The following PLCB1 variants were observed in gnomAD, a reference collection of about 807,000 sequenced individuals.
PLCB1 encodes 1-phosphatidylinositol 4,5-bisphosphate phosphodiesterase beta-1.
In PLCB1, 46 loss-of-function variants were observed where a neutral mutation model predicts 161.8. That is an observed-to-expected ratio of 0.28 (90% CI 0.22 to 0.36). PLCB1 has a LOEUF of 0.36. Among genes scored for constraint, PLCB1 ranks in the 10% least tolerant of loss-of-function variants. PLCB1 has a pLI of 1.00. For synonymous variants in PLCB1, 517 were observed against 503.7 expected (o/e 1.03, Z -0.35); for missense variants, 1,016 against 1,472.5 (o/e 0.69, Z 5.07).
At chr20:8,635,701 GAGA>G (rs887991310) in intron 4 of PLCB1, among the ~76,000 whole-genome samples, 1 of 152,198 alleles carries the variant, frequency 6.6e-6, no homozygotes, top group Non-Finnish European at 1.5e-5. Context: ...AAGGAAATGA[GAGA>G]AGATGTCACG....
intron 3 of PLCB1, among the ~76,000 whole-genome samples, chr20:8,538,936 G>A (rs2122945820): frequency 6.6e-6 from 1 of 151,970 alleles, no homozygotes; most frequent in East Asian, 1.9e-4. Flanking sequence ...TGGGATTACA[G>A]GCGCCTGCCA....
intron 3 of PLCB1, among the ~76,000 whole-genome samples, chr20:8,555,085 G>T (rs750711467): frequency 8.6e-5 from 13 of 152,000 alleles, no homozygotes; most frequent in Non-Finnish European, 1.5e-4. Context: ...GCATTTGCTT[G>T]GTTGCCTTAA....
chr20:8,619,412 C>A (rs2123192462), intron 3 of PLCB1, among the ~76,000 whole-genome samples: 1 of 149,940 alleles, frequency 6.7e-6, no homozygotes, highest in African/African-American at 2.5e-5. Flanking sequence ...GAGCAAGACT[C>A]TGTCTAAAAA....
At chr20:8,553,264 T>C (rs1251502798) in intron 3 of PLCB1, among the ~76,000 whole-genome samples, 3 of 152,198 alleles carry the variant, frequency 2.0e-5, no homozygotes, top group Admixed American at 2.0e-4. Context: ...TGGTTTCTGC[T>C]ATTGCAAGGC....
At chr20:8,253,251 T>A (rs1981248866) in intron 2 of PLCB1, among the ~76,000 whole-genome samples, 1 of 152,014 alleles carries the variant, frequency 6.6e-6, no homozygotes, top group Non-Finnish European at 1.5e-5. Context: ...GGTCAAATTT[T>A]ATTTGTTGTT....
At chr20:8,667,250 G>A (rs1477027424) in intron 9 of PLCB1, among the ~76,000 whole-genome samples, 6 of 152,112 alleles carry the variant, frequency 3.9e-5, no homozygotes, top group Non-Finnish European at 7.3e-5. Context: ...TTTATTGATC[G>A]AAATCTCATT....
intron 3 of PLCB1, among the ~76,000 whole-genome samples, chr20:8,382,354 C>T (rs1290622848): frequency 6.8e-6 from 1 of 146,486 alleles, no homozygotes; most frequent in Non-Finnish European, 1.5e-5. Context: ...GTGATCTCGG[C>T]TCTCTGCAAG....
At chr20:8,386,603 T>C (rs372013622) in intron 3 of PLCB1, among the ~76,000 whole-genome samples, 4 of 152,340 alleles carry the variant, frequency 2.6e-5, no homozygotes, top group East Asian at 3.9e-4. Context: ...TCAATGAGCA[T>C]TGGCTTCCAC....
At chr20:8,319,195 C>G (rs763191497) in intron 2 of PLCB1, among the ~76,000 whole-genome samples, 1 of 152,182 alleles carries the variant, frequency 6.6e-6, no homozygotes. Context: ...CAGTTATTTA[C>G]TGCCAAATAA....
At chr20:8,401,219 TCTCA>T (rs1207353611) in intron 3 of PLCB1, among the ~76,000 whole-genome samples, 1 of 152,332 alleles carries the variant, frequency 6.6e-6, no homozygotes, top group East Asian at 1.9e-4. Flanking sequence ...ATATAGTTCT[TCTCA>T]CTGTTTCGTA....
rs6056027 is a variant in PLCB1, at chr20:8,697,398, A to G, written c.1010-228A>G. Among the ~76,000 whole-genome samples the G allele has an allele frequency of 0.077, 11,736 of 152,276 alleles. 540 individuals carry two copies. The highest frequency in any genetic ancestry group is 0.12 in the African/African-American group (5,001 of 41,540). On this transcript the variant is annotated intron_variant, in intron 10 of 31. Coordinates refer to ENST00000338037, the MANE Select transcript of PLCB1 (RefSeq NM_015192.4). ...CATGGTAAATAGTTAATAAACATGC[A>G]TCGTTGTTATTGTTACAATGCCCTA...
At chr20:8,728,723 C>T (rs1980072342) in intron 17 of PLCB1, among the ~76,000 whole-genome samples, 1 of 151,958 alleles carries the variant, frequency 6.6e-6, no homozygotes, top group Admixed American at 6.6e-5. Flanking sequence ...TTTGCTACCC[C>T]ATTGACTTTT....
chr20:8,608,849 CA>C (rs1568528085), intron 3 of PLCB1, among the ~76,000 whole-genome samples: 1 of 152,070 alleles, frequency 6.6e-6, no homozygotes, highest in Non-Finnish European at 1.5e-5. Flanking sequence ...TGAATGAATT[CA>C]CTATTTTACC....
chr20:8,808,306 A>G (rs1984641203), intron 31 of PLCB1, among the ~76,000 whole-genome samples: 2 of 152,178 alleles, frequency 1.3e-5, no homozygotes, highest in African/African-American at 4.8e-5. Context: ...GGGTTTGCAG[A>G]CAGTGGCTTT....
At chr20:8,176,133 A>T (rs548658159) in intron 2 of PLCB1, among the ~76,000 whole-genome samples, 1 of 152,352 alleles carries the variant, frequency 6.6e-6, no homozygotes, top group East Asian at 1.9e-4. Context: ...CTATTGTATT[A>T]TGAAGCGTTG....
chr20:8,320,826 G>A (rs1313526377), intron 2 of PLCB1, among the ~76,000 whole-genome samples: 3 of 136,954 alleles, frequency 2.2e-5, no homozygotes, highest in Non-Finnish European at 4.7e-5. Flanking sequence ...AGGGAGGGAG[G>A]GAGAGAGGGA....
chr20:8,786,845 A>T (rs982697354), intron 27 of PLCB1, among the ~76,000 whole-genome samples: 1 of 152,036 alleles, frequency 6.6e-6, no homozygotes, highest in African/African-American at 2.4e-5. Flanking sequence ...CTGGGATTAC[A>T]GGCACCCACC....
At chr20:8,818,504 T>G (rs6056154) in intron 31 of PLCB1, among the ~76,000 whole-genome samples, 4,038 of 152,310 alleles carry the variant, frequency 0.027, 170 homozygotes, top group African/African-American at 0.093. Context: ...AAAAAATATT[T>G]GCAAATGATG....
chr20:8,386,392 G>T (rs1987427193), intron 3 of PLCB1, among the ~76,000 whole-genome samples: 1 of 152,150 alleles, frequency 6.6e-6, no homozygotes, highest in East Asian at 1.9e-4. Flanking sequence ...GAGCTCTTTT[G>T]TGGCCAGGTG....
Sources: gnomAD v4.1 joint callset for allele counts (sites outside exome capture counted in the v4.1 genomes callset) on GRCh38, gnomAD v4.1.1 for gene constraint, MANE v1.5 for transcripts, NCBI Gene and HGNC (gene_info 2026-07-23, HGNC 2026-07-21) for gene names.